The following CHSY1 variants were observed in gnomAD, a reference collection of about 807,000 sequenced individuals.
CHSY1 encodes the protein N-acetylgalactosaminyl-proteoglycan 3-beta-glucuronosyltransferase 1.
Under a neutral mutation model 59.8 loss-of-function variants are expected in CHSY1, and 13 were observed. That is an observed-to-expected ratio of 0.22 (90% confidence interval 0.14 to 0.35). CHSY1 has a LOEUF of 0.35. CHSY1 is among the 10% of genes least tolerant of loss of function. CHSY1 has a pLI of 1.00. For missense variants in CHSY1, 947 were observed against 1,030.6 expected, an observed-to-expected ratio of 0.92 and a Z score of 1.11; for synonymous variants, 459 against 401.2, an observed-to-expected ratio of 1.14 and a Z score of -1.72.
At chr15:101,243,621 C>A (rs1177172715) in intron 1 of CHSY1, among the ~76,000 whole-genome samples, 5 of 152,222 alleles carry the variant, frequency 3.3e-5, no homozygotes, top group Non-Finnish European at 5.9e-5. Flanking sequence ...ACTGCTAAGG[C>A]TGAACAAACA....
intron 2 of CHSY1, among the ~76,000 whole-genome samples, chr15:101,232,541 C>T (rs970798111): frequency 6.6e-6 from 1 of 152,174 alleles, no homozygotes. Flanking sequence ...TGTAAGAAAA[C>T]ATACAGGAGA....
intron 1 of CHSY1, among the ~76,000 whole-genome samples, chr15:101,242,033 T>C (rs1023746926): frequency 2.6e-5 from 4 of 152,320 alleles, no homozygotes; most frequent in Admixed American, 6.5e-5. Flanking sequence ...TATTTACTTG[T>C]ATTGTTTTTA....
At chr15:101,235,670 C>T (rs2038934260) in intron 1 of CHSY1, 93 bp from the exon 2 acceptor site, 1 of 1,393,094 alleles carries the variant, frequency 7.2e-7, no homozygotes, top group African/African-American at 1.4e-5. Context: ...TCGCCGTGTT[C>T]AATGGAATGA....
intron 1 of CHSY1, among the ~76,000 whole-genome samples, chr15:101,237,491 A>T (rs982870972): frequency 6.6e-5 from 10 of 152,184 alleles, no homozygotes; most frequent in African/African-American, 2.2e-4. Flanking sequence ...CCATCAACAG[A>T]GGGAAGATGA....
chr15:101,206,267 C>T (rs991067749), intron 2 of CHSY1, among the ~76,000 whole-genome samples: 5 of 152,162 alleles, frequency 3.3e-5, no homozygotes, highest in Admixed American at 2.6e-4. Flanking sequence ...TGAAACTAGA[C>T]AGACAAGGGA....
At chr15:101,219,303 T>C (rs1274266886) in intron 2 of CHSY1, among the ~76,000 whole-genome samples, 1 of 152,200 alleles carries the variant, frequency 6.6e-6, no homozygotes, top group East Asian at 1.9e-4. Flanking sequence ...TTAAGTATTA[T>C]GAAAGGCTTA....
chr15:101,178,702 A>T lies in CHSY1; in HGVS notation c.1095T>A (p.Phe365Leu). 6.2e-7 allele frequency: 1 copy of T among 1,614,246 alleles called. No homozygotes were observed. The highest frequency in any genetic ancestry group is 2.2e-5 in the East Asian group (1 of 44,886). ...GAATCTCCTCTCGCTGGCGGGGCTG[A>T]AACCTCATGAAGGAGGGAGGGATTC... is the stretch of plus-strand genomic sequence containing the variant. The part of the protein sequence containing the change: ...QLGIPPSFMR[F>L]QPRQREEILE... The change falls in exon 3 of 3, where the codon TTT becomes TTA. Residue 365 changes from phenylalanine to leucine, a missense_variant. By Grantham distance (22) the Phe-to-Leu change is conservative. Around this residue, in one of 4 missense-constraint regions of CHSY1, gnomAD observed 602 missense variants for 676.9 expected, o/e 0.89. Coordinates refer to ENST00000254190, the MANE Select transcript of CHSY1 (RefSeq NM_014918.5).
In CHSY1 at chr15:101,178,028, T is replaced by C. The variant is rs1447680417; in HGVS notation, c.1769A>G (p.Tyr590Cys). 3.1e-6 allele frequency: 5 copies of C among 1,614,066 alleles called. No individual in the cohort carries two copies. In the African/African-American group the frequency reaches 6.7e-5, roughly 22 times the overall value. ...GTCGGCTTTAGGGTACTTAATGCGG[T>C]AATCTCTCATCAGTTCAACTTGTTT... ...KAKQVELMRD[Y>C]RIKYPKADMQ... The change falls in exon 3 of 3, where the codon TAC (tyrosine) becomes TGC (cysteine). Residue 590 changes from tyrosine (Y) to cysteine (C), a missense_variant. Physicochemically the swap from Tyr to Cys is radical, Grantham distance 194. This residue lies in a region of CHSY1 where 602 missense variants were observed against 676.9 expected (regional missense o/e 0.89). Transcript: ENST00000254190.
intron 1 of CHSY1, 90 bp downstream of exon 1, chr15:101,251,047 C>A: frequency 8.0e-7 from 1 of 1,253,070 alleles, no homozygotes; most frequent in Non-Finnish European, 1.1e-6. Flanking sequence ...GCCTAGGAAG[C>A]GGGCGGAGGC....
chr15:101,222,372 A>G (rs2038798385), intron 2 of CHSY1, among the ~76,000 whole-genome samples: 1 of 152,232 alleles, frequency 6.6e-6, no homozygotes, highest in Non-Finnish European at 1.5e-5. Context: ...TTAAAGAAGA[A>G]TTGTAAAGAT....
In CHSY1 at chr15:101,183,492, A is replaced by T. The variant is rs569042880; in HGVS notation, c.817-4512T>A. 1.2e-4 allele frequency among the ~76,000 whole-genome samples: 18 copies of T among 152,326 alleles called. No individual in the cohort carries two copies. The East Asian group carries it at 3.3e-3, about 28-fold the overall frequency. On this transcript the variant is annotated intron_variant, in intron 2 of 2. Transcript: ENST00000254190. ...TCTCAGTGTAGAATTCTCTTCCCAA[A>T]CTATCCATCCAGTGAGAACAGCAAA...
intron 2 of CHSY1, among the ~76,000 whole-genome samples, chr15:101,233,687 G>A (rs1283816989): frequency 1.3e-5 from 2 of 152,134 alleles, no homozygotes; most frequent in Non-Finnish European, 2.9e-5. Flanking sequence ...GTTCACTCAA[G>A]ATCACATTTA....
In CHSY1 at chr15:101,177,600, T is replaced by G; in HGVS notation, c.2197A>C (p.Lys733Gln). The change falls in exon 3 of 3, where the codon AAG (lysine) becomes CAG (glutamine). Residue 733 changes from lysine (K) to glutamine (Q), a missense_variant. Transcript: ENST00000254190. ...CCTACTTCCTGGCTCCTAAACGTCT[T>G]CAAACCTGCCTGGACAACCTTGTTG... is the stretch of plus-strand genomic sequence containing the variant. ...LFNKVVQAGL[K>Q]TFRSQEVGVV... 1 of 1,614,164 alleles carries G rather than the reference T, an allele frequency of 6.2e-7. No homozygotes were observed. The highest frequency in any genetic ancestry group is 1.1e-5 in the South Asian group (1 of 91,088).
At chr15:101,239,125 G>A (rs1340907826) in intron 1 of CHSY1, among the ~76,000 whole-genome samples, 2 of 152,148 alleles carry the variant, frequency 1.3e-5, no homozygotes, top group Non-Finnish European at 2.9e-5. Context: ...TTTTTCATTT[G>A]GCAGTCGCAA....
Position 101,211,462 on chromosome 15 carries a change from C to T in CHSY1, c.816+23620G>A, listed in dbSNP as rs563612245. ...AGAATACTGAAAATAACATAAAACA[C>T]GTATAGGACTCAGTGAAAATGTGTA... On this transcript the variant is annotated intron_variant, in intron 2 of 2. Transcript: ENST00000254190. 5.9e-5 allele frequency among the ~76,000 whole-genome samples: 9 copies of T among 152,166 alleles called. No homozygotes were observed. In the South Asian group the frequency reaches 1.2e-3, roughly 21 times the overall value.
intron 2 of CHSY1, chr15:101,187,996 C>T (rs980814079): frequency 1.0e-6 from 1 of 983,828 alleles, no homozygotes; most frequent in Non-Finnish European, 1.2e-6. Flanking sequence ...CAAATACCTT[C>T]CACAGTCTTC....
At chr15:101,217,475 A>C (rs1287293554) in intron 2 of CHSY1, among the ~76,000 whole-genome samples, 2 of 152,196 alleles carry the variant, frequency 1.3e-5, no homozygotes, top group African/African-American at 4.8e-5. Context: ...TTGCTTTCTA[A>C]TACCATTCTC....
intron 2 of CHSY1, among the ~76,000 whole-genome samples, chr15:101,232,119 T>C (rs1370295162): frequency 6.6e-6 from 1 of 152,238 alleles, no homozygotes; most frequent in Non-Finnish European, 1.5e-5. Context: ...TCATTTTAAT[T>C]ACCTAAGTGT....
intron 2 of CHSY1, among the ~76,000 whole-genome samples, chr15:101,221,978 G>A (rs775470068): frequency 1.3e-5 from 2 of 152,092 alleles, no homozygotes; most frequent in African/African-American, 4.8e-5. Context: ...AAGCCCGAGC[G>A]TTAAATTGCT....
Sources: allele counts gnomAD v4.1 joint callset (sites outside exome capture counted in the v4.1 genomes callset), GRCh38; gene constraint gnomAD v4.1.1; regional missense constraint gnomAD v4.1.1; transcripts MANE v1.5; gene names NCBI Gene and HGNC (gene_info 2026-07-23, HGNC 2026-07-21).